Variants in TRPS1 observed in about 807,000 individuals in gnomAD.
The protein encoded by TRPS1 is transcriptional repressor GATA binding 1.
TRPS1 carries 6 observed loss-of-function variants against 101.2 expected under a neutral mutation model. The ratio of observed to expected loss-of-function variants is 0.06; its 90% CI spans 0.03 to 0.12. The LOEUF (loss-of-function observed/expected upper bound fraction) is 0.12. TRPS1 is among the 10% of genes least tolerant of loss of function. TRPS1 has a pLI of 1.00. For synonymous variants in TRPS1, 578 were observed against 589.8 expected (o/e 0.98, Z 0.29); for missense variants, 1,363 against 1,567.0 (o/e 0.87, Z 2.20).
chr8:115,511,332 T>C (rs747296642), intron 5 of TRPS1: 2 of 151,954 alleles, frequency 1.3e-5, no homozygotes, highest in African/African-American at 2.4e-5. Context: ...ACCAGAATGA[T>C]ATGTGTGCAT....
At chr8:115,667,072 T>C (rs1324833743) in intron 1 of TRPS1, among the ~76,000 whole-genome samples, 1 of 152,166 alleles carries the variant, frequency 6.6e-6, no homozygotes, top group Non-Finnish European at 1.5e-5. Context: ...GATCAATGGC[T>C]TACTCAAAAA....
intron 5 of TRPS1, among the ~76,000 whole-genome samples, chr8:115,525,634 G>A (rs1205726898): frequency 2.0e-5 from 3 of 152,128 alleles, no homozygotes; most frequent in Non-Finnish European, 2.9e-5. Flanking sequence ...TTAGTAGAGT[G>A]AGAGAGTGGT....
chr8:115,506,152 T>A (rs1815437705), intron 5 of TRPS1, among the ~76,000 whole-genome samples: 1 of 151,940 alleles, frequency 6.6e-6, no homozygotes, highest in Non-Finnish European at 1.5e-5. Flanking sequence ...AAGTTATTGG[T>A]AAAATTAAGT....
chr8:115,597,275 T>A (rs1336173697), intron 4 of TRPS1, among the ~76,000 whole-genome samples: 1 of 151,946 alleles, frequency 6.6e-6, no homozygotes, highest in East Asian at 1.9e-4. Flanking sequence ...CTATCCCTCA[T>A]AAGGTGTTTT....
intron 4 of TRPS1, among the ~76,000 whole-genome samples, chr8:115,590,692 G>A (rs1257671076): frequency 6.6e-6 from 1 of 152,178 alleles, no homozygotes; most frequent in Non-Finnish European, 1.5e-5. Context: ...CTTTGGCTCT[G>A]TATTCTACAA....
chr8:115,451,519 A>G (rs759323698), intron 5 of TRPS1, among the ~76,000 whole-genome samples: 1 of 152,206 alleles, frequency 6.6e-6, no homozygotes, highest in Non-Finnish European at 1.5e-5. Context: ...CCTTTCGCCA[A>G]TAAACACTAG....
At chr8:115,528,972 G>A (rs537194449) in intron 5 of TRPS1, among the ~76,000 whole-genome samples, 20 of 152,106 alleles carry the variant, frequency 1.3e-4, no homozygotes, top group Admixed American at 3.9e-4. Flanking sequence ...AATGGTTACC[G>A]TTAAGAACCT....
chr8:115,429,449 T>C (rs1347406700), intron 5 of TRPS1, among the ~76,000 whole-genome samples: 2 of 152,196 alleles, frequency 1.3e-5, no homozygotes, highest in African/African-American at 4.8e-5. Context: ...ACTGCACTCA[T>C]ACGAGCCTTA....
chr8:115,621,512 T>C (rs1818391779), intron 2 of TRPS1, among the ~76,000 whole-genome samples: 1 of 152,214 alleles, frequency 6.6e-6, no homozygotes, highest in African/African-American at 2.4e-5. Context: ...CATGCAAAAT[T>C]TTTATATGAA....
intron 5 of TRPS1, among the ~76,000 whole-genome samples, chr8:115,495,474 A>G (rs1056499874): frequency 2.0e-5 from 3 of 148,728 alleles, no homozygotes; most frequent in African/African-American, 7.3e-5. Flanking sequence ...ATATATATAT[A>G]TATATTTAAA....
chr8:115,651,012 A>G (rs1355115084), intron 1 of TRPS1, among the ~76,000 whole-genome samples: 1 of 152,156 alleles, frequency 6.6e-6, no homozygotes, highest in Non-Finnish European at 1.5e-5. Flanking sequence ...CAAACATCAC[A>G]ACACAACCTT....
intron 5 of TRPS1, among the ~76,000 whole-genome samples, chr8:115,535,236 C>CATGTATAGCAT (rs1554583788): frequency 8.4e-6 from 1 of 118,544 alleles, no homozygotes; most frequent in Non-Finnish European, 1.7e-5. Flanking sequence ...ATATATATAG[C>CATGTATAGCAT]ATATATAGCA....
intron 1 of TRPS1, among the ~76,000 whole-genome samples, chr8:115,655,516 T>G (rs537384286): frequency 2.6e-5 from 4 of 152,194 alleles, no homozygotes; most frequent in Admixed American, 2.6e-4. Context: ...TCCAGGGAGG[T>G]GATTTCATCT....
chr8:115,658,563 C>A (rs895483781), intron 1 of TRPS1, among the ~76,000 whole-genome samples: 2 of 152,048 alleles, frequency 1.3e-5, no homozygotes, highest in Admixed American at 1.3e-4. Flanking sequence ...ACTATCTACC[C>A]CCAGTTCTCC....
At chr8:115,488,162 G>C (rs1814933266) in intron 5 of TRPS1, among the ~76,000 whole-genome samples, 1 of 152,162 alleles carries the variant, frequency 6.6e-6, no homozygotes. Context: ...TAGAGGCTTA[G>C]ATAATCAATA....
chr8:115,587,011 G>T lies in TRPS1; in HGVS notation c.2690C>A (p.Ser897Tyr), dbSNP rs779462797. 2 of 1,614,162 alleles carry T rather than the reference G, an allele frequency of 1.2e-6. No individual in the cohort carries two copies. The highest frequency in any genetic ancestry group is 1.7e-5 in the Admixed American group (1 of 60,030). ...ATGAAACCATCCTACCCGTAACAGG[G>T]ACTGGGATTCATCCTTGGACTTGTT... ...GENKSKDESQ[S>Y]LLRRRRGSGV... The change falls in exon 5 of 7, where the codon TCC becomes TAC. Residue 897 changes from serine to tyrosine, a missense_variant. This residue lies in a region of TRPS1 where 22 missense variants were observed against 37.9 expected (regional missense o/e 0.58). Transcript: ENST00000395715.
At chr8:115,522,626 G>A (rs1289894472) in intron 5 of TRPS1, among the ~76,000 whole-genome samples, 2 of 152,014 alleles carry the variant, frequency 1.3e-5, no homozygotes, top group Non-Finnish European at 2.9e-5. Flanking sequence ...ATAATGAAAT[G>A]TGTGAAATTT....
chr8:115,507,789 A>G lies in TRPS1; in HGVS notation c.2700+79212T>C, dbSNP rs16887513. Among the ~76,000 whole-genome samples the G allele has an allele frequency of 5.5e-3, 831 of 152,210 alleles. 8 individuals carry two copies. The highest frequency in any genetic ancestry group is 0.02 in the African/African-American group (815 of 41,532). ...AACAGATTGAGAAGTAACATTTATT[A>G]CAACACATAAATCATTTTCTTACAA... is the stretch of plus-strand genomic sequence containing the variant. On this transcript the variant is annotated intron_variant, in intron 5 of 6. Coordinates refer to ENST00000395715, the MANE Select transcript of TRPS1 (RefSeq NM_014112.5).
chr8:115,490,039 T>A (rs1586326162), intron 5 of TRPS1, among the ~76,000 whole-genome samples: 1 of 152,280 alleles, frequency 6.6e-6, no homozygotes, highest in East Asian at 1.9e-4. Flanking sequence ...GTTTGTGGTA[T>A]CTGGCTGATG....
Sources: allele counts gnomAD v4.1 joint callset (sites outside exome capture counted in the v4.1 genomes callset), GRCh38; gene constraint gnomAD v4.1.1; regional missense constraint gnomAD v4.1.1; transcripts MANE v1.5; gene names NCBI Gene and HGNC (gene_info 2026-07-23, HGNC 2026-07-21).